EXOC8: variants seen among roughly 807,000 people sequenced by gnomAD.
EXOC8 encodes the protein exocyst complex 84 kDa subunit.
Under a neutral mutation model 50.8 loss-of-function variants are expected in EXOC8, and 19 were observed. The ratio of observed to expected loss-of-function variants is 0.37; its 90% CI spans 0.26 to 0.55. EXOC8 has a LOEUF of 0.55. Ranked by LOEUF, EXOC8 falls within the 20% of genes least tolerant of loss-of-function variation. The pLI is 0.80. For missense variants in EXOC8, 781 were observed against 915.8 expected, an observed-to-expected ratio of 0.85 and a Z score of 1.90; for synonymous variants, 384 against 367.9, an observed-to-expected ratio of 1.04 and a Z score of -0.50.
chr1:231,335,574 C>T lies in EXOC8; in HGVS notation c.2172G>A (p.Val724=), dbSNP rs1329407012. 2.5e-6 allele frequency: 4 copies of T among 1,606,180 alleles called. No individual in the cohort carries two copies. Among genetic ancestry groups the T allele is most frequent in the Non-Finnish European group, 2.5e-6 (3 of 1,176,476 alleles). Residue 724 remains valine (V), a synonymous_variant, in exon 1 of 1, where the codon GTG becomes GTA. Transcript: ENST00000366645. ...ATATAAACAGACCCAAGCATTAGAC[C>T]ACTGATGTTGTACTTTCAGGATTCA... The part of the protein sequence containing the change: ...IRVNPESTTS[V]V
At position 231,337,648 on chromosome 1, in the gene EXOC8, T is replaced by C. The variant is rs1241020686; in HGVS notation, c.98A>G (p.Gln33Arg). Residue 33 changes from glutamine (Q) to arginine (R), a missense_variant, in exon 1 of 1, where the codon CAG becomes CGG. Gln to Arg is a conservative substitution (Grantham distance 43, BLOSUM62 1). This residue lies in a region of EXOC8 where 700 missense variants were observed against 804.1 expected (regional missense o/e 0.87). Coordinates refer to ENST00000366645, the MANE Select transcript of EXOC8 (RefSeq NM_175876.5). This position sits in a 1 kb window ranked among gnomAD's most constrained non-coding sequence, Gnocchi z 5.9. ...GAGGTCCCGGTCCCCATCCGACTGC[T>C]GCGAGAGCTGCTTCACGTACAGCCG... The part of the protein sequence containing the change: ...EARLYVKQLS[Q>R]QSDGDRDLQE... The C allele has an allele frequency of 6.2e-7, 1 of 1,610,076 alleles. No homozygotes were observed. The highest frequency in any genetic ancestry group is 8.5e-7 in the Non-Finnish European group (1 of 1,179,974).
Position 231,335,592 on chromosome 1 carries a change from A to G in EXOC8, c.2154T>C (p.Pro718=). 6.2e-7 allele frequency: 1 copy of G among 1,611,282 alleles called. No homozygotes were observed. The highest frequency in any genetic ancestry group is 8.5e-7 in the Non-Finnish European group (1 of 1,178,626). ...ATTAGACCACTGATGTTGTACTTTC[A>G]GGATTCACACGAATAAGTCTAGATG... ...RNASRLIRVN[P]ESTTSVV Residue 718 remains proline, a synonymous_variant, in exon 1 of 1, where the codon CCT becomes CCC. Coordinates refer to ENST00000366645, the MANE Select transcript of EXOC8 (RefSeq NM_175876.5).
chr1:231,335,970 C>G lies in EXOC8; in HGVS notation c.1776G>C (p.Glu592Asp). The part of the protein sequence containing the change: ...TPEALGKLKE[E>D]MKSCGVSNFE... ...AGTTACTTACCCCACAACTTTTCAT[C>G]TCTTCTTTGAGCTTACCCAGGGCTT... Residue 592 changes from glutamate (E) to aspartate (D), a missense_variant, in exon 1 of 1, where the codon GAG (glutamate) becomes GAC (aspartate). By Grantham distance (45) the Glu-to-Asp change is conservative (BLOSUM62 2). Coordinates refer to ENST00000366645, the MANE Select transcript of EXOC8 (RefSeq NM_175876.5). The G allele has an allele frequency of 1.2e-6, 2 of 1,614,220 alleles. No homozygotes were observed. The highest frequency in any genetic ancestry group is 1.7e-6 in the Non-Finnish European group (2 of 1,180,034).
At position 231,334,034 on chromosome 1, in the gene EXOC8, G is replaced by A. The variant is rs1054925526; in HGVS notation, c.*1534C>T. On this transcript the variant is annotated 3_prime_UTR_variant, in exon 1 of 1. Transcript: ENST00000366645. ...CAGTTTCCCTCAAAGAATAAGGAAC[G>A]CTATAGAATATACAACAGCGATAGT... 14 of 152,200 alleles carry A rather than the reference G, an allele frequency of 9.2e-5. No individual in the cohort carries two copies. Among genetic ancestry groups the A allele is most frequent in the Admixed American group, 7.9e-4 (12 of 15,276 alleles). 9.4% of individuals were successfully genotyped at this position (152,200 alleles called of 1,614,324 possible).
At position 231,333,141 on chromosome 1, in the gene EXOC8, A is replaced by G. The variant is rs1053645553; in HGVS notation, c.*2427T>C. 9 of 152,230 alleles carry G rather than the reference A, an allele frequency of 5.9e-5. No individual in the cohort carries two copies. Among genetic ancestry groups the G allele is most frequent in the Non-Finnish European group, 1.2e-4 (8 of 68,044 alleles). The allele number at this position is 152,230 out of a possible 1,614,324, so 9.4% of individuals were successfully genotyped here. On this transcript the variant is annotated 3_prime_UTR_variant, in exon 1 of 1. Coordinates refer to ENST00000366645, the MANE Select transcript of EXOC8 (RefSeq NM_175876.5). ...GCTTAAGTGGTATATTTTAGTATAT[A>G]TTACATTTCTGGACAATCTCTCATT... is the stretch of plus-strand genomic sequence containing the variant.
chr1:231,335,925 A>T lies in EXOC8; in HGVS notation c.1821T>A (p.Asp607Glu), dbSNP rs1686660903. 1 of 1,614,084 alleles carries T rather than the reference A, an allele frequency of 6.2e-7. No homozygotes were observed. The highest frequency in any genetic ancestry group is 1.1e-5 in the South Asian group (1 of 91,092). The change falls in exon 1 of 1, where the codon GAT becomes GAA. Residue 607 changes from aspartate (D) to glutamate (E), a missense_variant. Coordinates refer to ENST00000366645, the MANE Select transcript of EXOC8 (RefSeq NM_175876.5). ...GVSNFEQYTG[D>E]DCWVNLSYTV... is the part of the protein sequence containing the mutation. Reference sequence around the variant, plus strand: ...TGTAACTTAGGTTCACCCAGCAGTCATCCCCTGTGTACTGCTCAAAGTTAC... The same window carrying T: ...TGTAACTTAGGTTCACCCAGCAGTCTTCCCCTGTGTACTGCTCAAAGTTAC...
Position 231,334,702 on chromosome 1 carries a change from T to C in EXOC8, c.*866A>G, listed in dbSNP as rs1350139783. On this transcript the variant is annotated 3_prime_UTR_variant, in exon 1 of 1. Transcript: ENST00000366645. ...CTGAAAATTAGCCATTCAAATTATA[T>C]TGGAAATATTTGCTGAATTGTTTTT... The C allele has an allele frequency of 6.6e-6, 1 of 152,242 alleles. No homozygotes were observed. The highest frequency in any genetic ancestry group is 2.4e-5 in the African/African-American group (1 of 41,468). 9.4% of individuals were successfully genotyped at this position (152,242 alleles called of 1,614,324 possible).
rs536539431 is a variant in EXOC8, at chr1:231,337,801, T to C, written c.-56A>G. On this transcript the variant is annotated 5_prime_UTR_variant, in exon 1 of 1. Transcript: ENST00000366645. The surrounding 1 kb of genome is among the most constrained non-coding windows in gnomAD (Gnocchi z 5.9). Reference sequence around the variant, plus strand: ...CTATCGGCGCCGCAGCCGCCGCGGCTGTCTAGACCCACCCAAGGCCAACCG... The same window carrying C: ...CTATCGGCGCCGCAGCCGCCGCGGCCGTCTAGACCCACCCAAGGCCAACCG... 1.2e-5 allele frequency: 19 copies of C among 1,526,990 alleles called. No homozygotes were observed. The African/African-American group carries it at 2.2e-4, about 18-fold the overall frequency. 94.6% of individuals were successfully genotyped at this position (1,526,990 alleles called of 1,614,324 possible).
In EXOC8 at chr1:231,336,397, C is replaced by A. The variant is rs756017475; in HGVS notation, c.1349G>T (p.Gly450Val). The change falls in exon 1 of 1, where the codon GGT becomes GTT. Residue 450 changes from glycine to valine, a missense_variant. By Grantham distance (109) the Gly-to-Val change is moderately radical (BLOSUM62 -3). Transcript: ENST00000366645. This position sits in a 1 kb window ranked among gnomAD's most constrained non-coding sequence, Gnocchi z 5.4. Reference protein sequence around the residue: ...HTAIRQLRIEGATLLYIHKLC... With the variant: ...HTAIRQLRIEVATLLYIHKLC... ...CTTATGAATATAGAGTAAAGTGGCA[C>A]CTTCGATGCGAAGCTGACGAATTGC... 6.2e-7 allele frequency: 1 copy of A among 1,614,022 alleles called. No homozygotes were observed. Among genetic ancestry groups the A allele is most frequent in the Non-Finnish European group, 8.5e-7 (1 of 1,180,026 alleles).
chr1:231,336,891 A>T lies in EXOC8; in HGVS notation c.855T>A (p.Ser285Arg), dbSNP rs1315395453. ...EVLEDTKRAL[S>R]EKRRREQEEA... The stretch of plus-strand genomic sequence containing the variant: ...CCTCCTGCTCCCTTCGCCTTTTCTC[A>T]CTGAGGGCCCTCTTGGTGTCCTCCA... Residue 285 changes from serine to arginine, a missense_variant, in exon 1 of 1, where the codon AGT (serine) becomes AGA (arginine). Coordinates refer to ENST00000366645, the MANE Select transcript of EXOC8 (RefSeq NM_175876.5). The surrounding 1 kb of genome is among the most constrained non-coding windows in gnomAD (Gnocchi z 5.4). 6.2e-7 allele frequency: 1 copy of T among 1,613,674 alleles called. No homozygotes were observed. The highest frequency in any genetic ancestry group is 8.5e-7 in the Non-Finnish European group (1 of 1,179,906).
chr1:231,336,257 T>C lies in EXOC8; in HGVS notation c.1489A>G (p.Met497Val), dbSNP rs1264387695. ...SAFVVWARSAMGMFVDAFSKQ... is the reference protein window; with the variant it reads ...SAFVVWARSAVGMFVDAFSKQ... ...CTAAAAGCATCCACGAACATGCCCA[T>C]GGCTGATCTTGCCCAGACCACAAAG... is the stretch of plus-strand genomic sequence containing the variant. Residue 497 changes from methionine to valine, a missense_variant, in exon 1 of 1, where the codon ATG (methionine) becomes GTG (valine). Transcript: ENST00000366645. The surrounding 1 kb of genome is among the most constrained non-coding windows in gnomAD (Gnocchi z 5.4). 6.2e-7 allele frequency: 1 copy of C among 1,614,108 alleles called. No individual in the cohort carries two copies. The highest frequency in any genetic ancestry group is 1.1e-5 in the South Asian group (1 of 91,086).
At position 231,335,495 on chromosome 1, in the gene EXOC8, A is replaced by G. The variant is rs997768960; in HGVS notation, c.*73T>C. 1.2e-5 allele frequency: 16 copies of G among 1,293,690 alleles called. No individual in the cohort carries two copies. Among genetic ancestry groups the G allele is most frequent in the Admixed American group, 8.6e-5 (3 of 34,710 alleles). 80.1% of individuals were successfully genotyped at this position (1,293,690 alleles called of 1,614,324 possible). Reference sequence around the variant, plus strand: ...GTTTGAAACTATAGAGTATGCTAATACAACTTAATATAAATATAAATAATA... The same window carrying G: ...GTTTGAAACTATAGAGTATGCTAATGCAACTTAATATAAATATAAATAATA... On this transcript the variant is annotated 3_prime_UTR_variant, in exon 1 of 1. Transcript: ENST00000366645.
In EXOC8 at chr1:231,337,401, G is replaced by A. The variant is rs368967513; in HGVS notation, c.345C>T (p.Ala115=). 26 of 1,604,012 alleles carry A rather than the reference G, an allele frequency of 1.6e-5. No homozygotes were observed. In the East Asian group the frequency reaches 4.7e-4, roughly 29 times the overall value. ...CTCCCTCCTCCCCTCCAGAGGCGGCGGCGGCTCCGGCGGCAGCAGCGGCAG... is the reference window on the plus strand; with the variant it reads ...CTCCCTCCTCCCCTCCAGAGGCGGCAGCGGCTCCGGCGGCAGCAGCGGCAG... ...LLPAAAAAGA[A]AASGGEEGVG... Residue 115 remains alanine, a synonymous_variant, in exon 1 of 1, where the codon GCC becomes GCT. Transcript: ENST00000366645. This position sits in a 1 kb window ranked among gnomAD's most constrained non-coding sequence, Gnocchi z 5.9.
Position 231,336,647 on chromosome 1 carries a change from G to A in EXOC8, c.1099C>T (p.Leu367=), listed in dbSNP as rs143120742. 314 of 1,614,184 alleles carry A rather than the reference G, an allele frequency of 1.9e-4. 1 individual carries two copies. The African/African-American group carries it at 3.7e-3, about 19-fold the overall frequency. The part of the protein sequence containing the change: ...VDLLDKLNHY[L]EDKPSPPPVK... ...GGAGGTGGGCTAGGTTTATCTTCCAGGTAATGGTTCAATTTATCCAGCAGG... is the reference window on the plus strand; with the variant it reads ...GGAGGTGGGCTAGGTTTATCTTCCAAGTAATGGTTCAATTTATCCAGCAGG... The change falls in exon 1 of 1, where the codon CTG becomes TTG. Residue 367 remains leucine (L), a synonymous_variant. Transcript: ENST00000366645. The surrounding 1 kb of genome is among the most constrained non-coding windows in gnomAD (Gnocchi z 5.4).
Position 231,336,755 on chromosome 1 carries a change from C to T in EXOC8, c.991G>A (p.Asp331Asn), listed in dbSNP as rs761806541. Residue 331 changes from aspartate to asparagine, a missense_variant, in exon 1 of 1, where the codon GAC becomes AAC. Around this residue, in one of 3 missense-constraint regions of EXOC8, gnomAD observed 700 missense variants for 804.1 expected, o/e 0.87. Coordinates refer to ENST00000366645, the MANE Select transcript of EXOC8 (RefSeq NM_175876.5). This position sits in a 1 kb window ranked among gnomAD's most constrained non-coding sequence, Gnocchi z 5.4. The part of the protein sequence containing the change: ...AVPEVEEEKV[D>N]LSMEWIQELP... Reference sequence around the variant, plus strand: ...TCCTGGATCCATTCCATGGAGAGGTCCACCTTCTCTTCCTCTACCTCAGGA... The same window carrying T: ...TCCTGGATCCATTCCATGGAGAGGTTCACCTTCTCTTCCTCTACCTCAGGA... The T allele has an allele frequency of 3.7e-6, 6 of 1,614,094 alleles. No homozygotes were observed. The African/African-American group carries it at 8.0e-5, about 22-fold the overall frequency.
chr1:231,333,678 T>TA lies in EXOC8; in HGVS notation c.*1889dup, dbSNP rs1686609590. The stretch of plus-strand genomic sequence containing the variant: ...CCTTTGCTCAGCTAAGATATCCAGT[T>TA]ATGGTTACAACTTTCGAAAATCCTA... On this transcript the variant is annotated 3_prime_UTR_variant, in exon 1 of 1. Transcript: ENST00000366645. 6.6e-6 allele frequency: 1 copy of TA among 152,650 alleles called. No homozygotes were observed. 9.5% of individuals were successfully genotyped at this position (152,650 alleles called of 1,614,324 possible).
In EXOC8 at chr1:231,333,640, C is replaced by G. The variant is rs1002026157; in HGVS notation, c.*1928G>C. 5.9e-5 allele frequency: 9 copies of G among 152,512 alleles called. No homozygotes were observed. The highest frequency in any genetic ancestry group is 1.3e-4 in the Non-Finnish European group (9 of 68,010). 9.4% of individuals were successfully genotyped at this position (152,512 alleles called of 1,614,324 possible). On this transcript the variant is annotated 3_prime_UTR_variant, in exon 1 of 1. Coordinates refer to ENST00000366645, the MANE Select transcript of EXOC8 (RefSeq NM_175876.5). ...TCAATTTCCAGTGATCTTAAAAAGA[C>G]AAATTATAACCGCCTTTGCTCAGCT...
rs1215146952 is a variant in EXOC8, at chr1:231,334,160, TAA to T, written c.*1406_*1407del. 6.6e-6 allele frequency: 1 copy of T among 152,092 alleles called. No homozygotes were observed. The allele number at this position is 152,092 out of a possible 1,614,324, so 9.4% of individuals were successfully genotyped here. ...TGTTTAAAAACAAAGCAAGGAAAAA[TAA>T]AAAATGAAACAAAAATGCAGCATGG... On this transcript the variant is annotated 3_prime_UTR_variant, in exon 1 of 1. Coordinates refer to ENST00000366645, the MANE Select transcript of EXOC8 (RefSeq NM_175876.5).
chr1:231,337,795 C>G lies in EXOC8; in HGVS notation c.-50G>C, dbSNP rs1377799714. 1 of 1,539,976 alleles carries G rather than the reference C, an allele frequency of 6.5e-7. No individual in the cohort carries two copies. The highest frequency in any genetic ancestry group is 8.7e-7 in the Non-Finnish European group (1 of 1,145,534). On this transcript the variant is annotated 5_prime_UTR_variant, in exon 1 of 1. Transcript: ENST00000366645. This position sits in a 1 kb window ranked among gnomAD's most constrained non-coding sequence, Gnocchi z 5.9. Reference sequence around the variant, plus strand: ...CTGTCACTATCGGCGCCGCAGCCGCCGCGGCTGTCTAGACCCACCCAAGGC... The same window carrying G: ...CTGTCACTATCGGCGCCGCAGCCGCGGCGGCTGTCTAGACCCACCCAAGGC...
Sources: gnomAD v4.1 joint callset for allele counts on GRCh38, gnomAD v4.1.1 for gene constraint, gnomAD v4.1.1 regional missense constraint, Gnocchi (gnomAD v3.1) non-coding constraint, MANE v1.5 for transcripts, NCBI Gene and HGNC (gene_info 2026-07-23, HGNC 2026-07-21) for gene names.